Variants in OSBP2 observed in about 807,000 individuals in gnomAD.
The protein encoded by OSBP2 is oxysterol-binding protein 2.
In OSBP2, 66 loss-of-function variants were observed where a neutral mutation model predicts 96.0. The ratio of observed to expected loss-of-function variants is 0.69; its 90% CI spans 0.56 to 0.84. The LOEUF is 0.84. OSBP2 is among the 40% of genes least tolerant of loss of function. The pLI is 0.00. For missense variants in OSBP2, 1,038 were observed against 1,222.7 expected, an observed-to-expected ratio of 0.85 and a Z score of 2.25; for synonymous variants, 525 against 520.9, an observed-to-expected ratio of 1.01 and a Z score of -0.11.
intron 2 of OSBP2, among the ~76,000 whole-genome samples, chr22:30,866,767 G>A (rs922497862): frequency 6.6e-6 from 1 of 151,956 alleles, no homozygotes; most frequent in Non-Finnish European, 1.5e-5. Flanking sequence ...AATGTGTGTT[G>A]TTTCAAGCCA....
At position 30,695,418 on chromosome 22, in the gene OSBP2, G is replaced by A; in HGVS notation, c.509G>A (p.Gly170Asp). The change falls in exon 1 of 14, where the codon GGC (glycine) becomes GAC (aspartate). Residue 170 changes from glycine to aspartate, a missense_variant. Physicochemically the swap from Gly to Asp is moderately conservative, Grantham distance 94. This residue lies in a region of OSBP2 where 281 missense variants were observed against 273.4 expected (regional missense o/e 1.03). Coordinates refer to ENST00000332585, the MANE Select transcript of OSBP2 (RefSeq NM_030758.4). ...TPLGVPMSGT[G>D]TTSSAPLALL... ...CTTGGGGTTCCAATGTCGGGGACTG[G>A]CACGACCTCCAGTGCCCCACTGGCC... The A allele has an allele frequency of 6.2e-7, 1 of 1,613,784 alleles. No homozygotes were observed. Among genetic ancestry groups the A allele is most frequent in the South Asian group, 1.1e-5 (1 of 91,086 alleles).
rs189091789 is a variant in OSBP2, at chr22:30,883,028, T to C, written c.1108-4398T>C. Among the ~76,000 whole-genome samples the C allele has an allele frequency of 4.6e-5, 7 of 152,236 alleles. No homozygotes were observed. The East Asian group carries it at 1.4e-3, about 29-fold the overall frequency. On this transcript the variant is annotated intron_variant, in intron 3 of 13. Coordinates refer to ENST00000332585, the MANE Select transcript of OSBP2 (RefSeq NM_030758.4). ...CATAAGTCTTGTAAATGACATGAGG[T>C]ATATGAAAACAAAGCACCCATCTAT...
chr22:30,759,902 C>T lies in OSBP2; in HGVS notation c.853+18533C>T, dbSNP rs1028821842. ...TGAGACAGTGTCTCGCTCTGTTGCC[C>T]AGGCTGGAGTGTGCAGTGGTGCAGT... is the stretch of plus-strand genomic sequence containing the variant. On this transcript the variant is annotated intron_variant, in intron 2 of 13. Transcript: ENST00000332585. Among the ~76,000 whole-genome samples, 11 of 152,028 alleles carry T rather than the reference C, an allele frequency of 7.2e-5. No individual in the cohort carries two copies. In the Middle Eastern group the frequency reaches 0.01, roughly 141 times the overall value.
chr22:30,896,679 G>A (rs1253264501), intron 12 of OSBP2, among the ~76,000 whole-genome samples: 2 of 148,162 alleles, frequency 1.3e-5, no homozygotes, highest in African/African-American at 2.5e-5. Context: ...ACAGAGTCTC[G>A]CTCTGTTACC....
At chr22:30,699,741 C>T (rs993575288) in intron 1 of OSBP2, among the ~76,000 whole-genome samples, 11 of 151,914 alleles carry the variant, frequency 7.2e-5, no homozygotes, top group South Asian at 2.1e-4. Context: ...GGATTTTGCT[C>T]GAGAAACTCA....
Position 30,858,138 on chromosome 22 carries a change from TGTTTGTTTGTTTG to T in OSBP2, c.854-12290_854-12278del, listed in dbSNP as rs1569152891. Among the ~76,000 whole-genome samples, 193 of 91,844 alleles carry T rather than the reference TGTTTGTTTGTTTG, an allele frequency of 2.1e-3. 7 individuals are homozygous for T. The highest frequency in any genetic ancestry group is 0.011 in the African/African-American group (181 of 15,904). 60.3% of individuals were successfully genotyped at this position (91,844 alleles called of 152,430 possible). ...TCACTTTGTTTTTTTTTTGTTTGTTTGTTTGTTTGTTTGTTTTTTGAGACGGAGTCTCGCTCTG... is the reference window on the plus strand; with the variant it reads ...TCACTTTGTTTTTTTTTTGTTTGTTTTTTTTTGAGACGGAGTCTCGCTCTG... On this transcript the variant is annotated intron_variant, in intron 2 of 13. Coordinates refer to ENST00000332585, the MANE Select transcript of OSBP2 (RefSeq NM_030758.4).
chr22:30,839,471 TAA>T (rs917129562), intron 2 of OSBP2, among the ~76,000 whole-genome samples: 18 of 141,766 alleles, frequency 1.3e-4, no homozygotes, highest in Non-Finnish European at 2.3e-4. Flanking sequence ...ACCAACAGTG[TAA>T]AAGTGTTCCT....
intron 2 of OSBP2, among the ~76,000 whole-genome samples, chr22:30,866,595 G>A (rs1314636259): frequency 3.9e-5 from 6 of 152,188 alleles, no homozygotes; most frequent in Non-Finnish European, 7.3e-5. Context: ...AAATTAGCCA[G>A]GCATGGTGGC....
At chr22:30,737,407 T>C (rs1792140235) in intron 1 of OSBP2, among the ~76,000 whole-genome samples, 1 of 146,656 alleles carries the variant, frequency 6.8e-6, no homozygotes. Context: ...CACTGCAGCC[T>C]CTACTTCCTG....
chr22:30,893,139 C>G lies in OSBP2; in HGVS notation c.1887C>G (p.Pro629=), dbSNP rs200850356. 36 of 1,613,956 alleles carry G rather than the reference C, an allele frequency of 2.2e-5. 1 individual carries two copies. Among genetic ancestry groups the G allele is most frequent in the Middle Eastern group, 3.3e-4 (2 of 6,080 alleles). Residue 629 remains proline (P), a synonymous_variant, in exon 9 of 14, where the codon CCC becomes CCG. Transcript: ENST00000332585. ...GGTCTCAGGTGAGCCACCACCCCCC[C>G]TCAGCTGCGCACTACGTGTTCTCCA... ...SLCEQVSHHP[P]SAAHYVFSKH...
At chr22:30,875,751 TA>T (rs1301754113) in intron 3 of OSBP2, among the ~76,000 whole-genome samples, 1 of 152,090 alleles carries the variant, frequency 6.6e-6, no homozygotes, top group Non-Finnish European at 1.5e-5. Context: ...AGCATCTGAG[TA>T]AGTCAGCAGC....
chr22:30,699,405 A>G (rs144541984), intron 1 of OSBP2, among the ~76,000 whole-genome samples: 2 of 152,344 alleles, frequency 1.3e-5, no homozygotes, highest in East Asian at 1.9e-4. Context: ...ACATTCTTGT[A>G]TGTGTGCCGG....
intron 3 of OSBP2, among the ~76,000 whole-genome samples, chr22:30,875,564 G>A (rs1385642936): frequency 6.6e-6 from 1 of 152,038 alleles, no homozygotes; most frequent in Non-Finnish European, 1.5e-5. Context: ...TAGAGAAGAC[G>A]TTTCTCCATG....
chr22:30,757,618 A>G (rs1350542048), intron 2 of OSBP2, among the ~76,000 whole-genome samples: 13 of 151,934 alleles, frequency 8.6e-5, no homozygotes. Context: ...GGGTTCCACC[A>G]TGTTGGCCAG....
At chr22:30,836,597 G>T (rs2038638220) in intron 2 of OSBP2, among the ~76,000 whole-genome samples, 1 of 152,166 alleles carries the variant, frequency 6.6e-6, no homozygotes, top group African/African-American at 2.4e-5. Flanking sequence ...AGATATTTCG[G>T]GAAAGGTAAT....
At chr22:30,737,444 T>C (rs2145733434) in intron 1 of OSBP2, among the ~76,000 whole-genome samples, 2 of 148,882 alleles carry the variant, frequency 1.3e-5, no homozygotes, top group South Asian at 4.4e-4. Flanking sequence ...TCACCTCAGC[T>C]CCTGAGTAGC....
chr22:30,745,428 G>A (rs1348443562), intron 2 of OSBP2, among the ~76,000 whole-genome samples: 5 of 152,166 alleles, frequency 3.3e-5, no homozygotes, highest in Non-Finnish European at 7.3e-5. Flanking sequence ...GGGAGGCCAA[G>A]GTGGGCAGAT....
At chr22:30,841,407 A>G (rs1371649210) in intron 2 of OSBP2, among the ~76,000 whole-genome samples, 3 of 152,166 alleles carry the variant, frequency 2.0e-5, no homozygotes, top group African/African-American at 7.2e-5. Flanking sequence ...ATACAAATGA[A>G]ACCACATAAT....
At chr22:30,768,966 CG>C (rs537141898) in intron 2 of OSBP2, among the ~76,000 whole-genome samples, 25 of 152,210 alleles carry the variant, frequency 1.6e-4, no homozygotes, top group Non-Finnish European at 1.5e-4. Flanking sequence ...GGGTCCAGAC[CG>C]GATGCCTGAC....
Sources: gnomAD v4.1 joint callset for allele counts (sites outside exome capture counted in the v4.1 genomes callset) on GRCh38, gnomAD v4.1.1 for gene constraint, gnomAD v4.1.1 regional missense constraint, MANE v1.5 for transcripts, NCBI Gene and HGNC (gene_info 2026-07-23, HGNC 2026-07-21) for gene names.